The following ROCK1 variants were observed in gnomAD, a reference collection of about 807,000 sequenced individuals.
ROCK1 encodes Rho associated coiled-coil containing protein kinase 1, also known as rho-associated protein kinase 1.
ROCK1 carries 36 observed loss-of-function variants against 196.8 expected under a neutral mutation model. The observed-to-expected ratio is 0.18, with a 90% CI of 0.14 to 0.24. The LOEUF is 0.24. ROCK1 is among the 10% of genes least tolerant of loss of function. The pLI is 1.00. For missense variants in ROCK1, 920 were observed against 1,562.0 expected (o/e 0.59, Z 6.93); for synonymous variants, 443 against 515.9 (o/e 0.86, Z 1.91).
intron 10 of ROCK1, among the ~76,000 whole-genome samples, chr18:21,025,608 G>A (rs1393557897): frequency 2.0e-5 from 3 of 152,038 alleles, no homozygotes; most frequent in Admixed American, 1.3e-4. Flanking sequence ...ATGGTGGTAC[G>A]CACCTGTAAT....
chr18:21,029,802 T>G (rs1399180080), intron 9 of ROCK1, among the ~76,000 whole-genome samples: 7 of 152,088 alleles, frequency 4.6e-5, no homozygotes, highest in Admixed American at 3.9e-4. Flanking sequence ...AAAAATAAAT[T>G]CTAAGAAAAT....
At chr18:20,957,635 C>T (rs1225471409) in intron 29 of ROCK1, among the ~76,000 whole-genome samples, 1 of 152,000 alleles carries the variant, frequency 6.6e-6, no homozygotes, top group Non-Finnish European at 1.5e-5. Flanking sequence ...CACCTGCCAC[C>T]ACGCCCAGCT....
chr18:21,104,585 AC>A (rs1363673164), intron 1 of ROCK1, among the ~76,000 whole-genome samples: 1 of 152,166 alleles, frequency 6.6e-6, no homozygotes, highest in Non-Finnish European at 1.5e-5. Context: ...CGGAAAAAAA[AC>A]ATTTCTGACT....
At chr18:21,086,598 G>A (rs998814001) in intron 1 of ROCK1, among the ~76,000 whole-genome samples, 1 of 152,000 alleles carries the variant, frequency 6.6e-6, no homozygotes, top group Non-Finnish European at 1.5e-5. Context: ...AAAATAGAAT[G>A]GGGCTAAAAG....
At position 21,008,256 on chromosome 18, in the gene ROCK1, G is replaced by A. The variant is rs2035785431; in HGVS notation, c.1411-62C>T. On this transcript the variant is annotated intron_variant, in intron 13 of 32. Transcript: ENST00000399799. ...ATACTCTGGTCATTCATTCAAGTGA[G>A]TATTTTGTTCTTAAAAACAAAAAAC... 1.8e-5 allele frequency: 21 copies of A among 1,182,794 alleles called. 1 individual carries two copies. The South Asian group carries it at 3.5e-4, about 19-fold the overall frequency. 73.3% of individuals were successfully genotyped at this position (1,182,794 alleles called of 1,614,324 possible).
chr18:21,111,040 C>G lies in ROCK1; in HGVS notation c.-130G>C, dbSNP rs891151679. 2.9e-6 allele frequency: 2 copies of G among 693,488 alleles called. No homozygotes were observed. The highest frequency in any genetic ancestry group is 3.6e-5 in the African/African-American group (2 of 56,334). The allele number at this position is 693,488 out of a possible 1,614,324, so 43.0% of individuals were successfully genotyped here. On this transcript the variant is annotated 5_prime_UTR_variant, in exon 1 of 33. Coordinates refer to ENST00000399799, the MANE Select transcript of ROCK1 (RefSeq NM_005406.3). The surrounding 1 kb of genome is among the most constrained non-coding windows in gnomAD (Gnocchi z 4.2). ...GAACCTCAGGGTCACCAGGTGCGCC[C>G]GGTTCCCCCGTCTTCCCCTCACTGA...
chr18:21,023,550 C>G (rs965587767), intron 11 of ROCK1, 70 bp downstream of exon 11: 16 of 811,180 alleles, frequency 2.0e-5, no homozygotes, highest in Middle Eastern at 3.1e-4. Flanking sequence ...AATTTACTAT[C>G]ATACCCACAA....
At chr18:21,080,913 T>C (rs888705522) in intron 1 of ROCK1, among the ~76,000 whole-genome samples, 2 of 152,096 alleles carry the variant, frequency 1.3e-5, no homozygotes, top group African/African-American at 4.8e-5. Flanking sequence ...GTTCTACAAA[T>C]AGTTGGAGAT....
At chr18:21,061,734 G>A (rs1227782312) in intron 2 of ROCK1, among the ~76,000 whole-genome samples, 2 of 152,170 alleles carry the variant, frequency 1.3e-5, no homozygotes, top group African/African-American at 2.4e-5. Context: ...GCTGAACTAC[G>A]TAATGCTGGA....
At chr18:21,038,603 A>C (rs899461191) in intron 9 of ROCK1, among the ~76,000 whole-genome samples, 3 of 152,226 alleles carry the variant, frequency 2.0e-5, no homozygotes, top group Admixed American at 6.5e-5. Context: ...TCACTGTCTC[A>C]ACTAGATAGG....
At chr18:21,101,762 ACT>A (rs1423207630) in intron 1 of ROCK1, among the ~76,000 whole-genome samples, 2 of 152,164 alleles carry the variant, frequency 1.3e-5, no homozygotes, top group African/African-American at 2.4e-5. Flanking sequence ...TAAAATAGAC[ACT>A]GTTTTAGACA....
At chr18:21,043,159 A>G (rs1230472949) in intron 6 of ROCK1, among the ~76,000 whole-genome samples, 1 of 152,162 alleles carries the variant, frequency 6.6e-6, no homozygotes, top group African/African-American at 2.4e-5. Flanking sequence ...ATATTGGTAT[A>G]AACACTGACT....
intron 9 of ROCK1, among the ~76,000 whole-genome samples, chr18:21,035,061 A>C (rs2036044938): frequency 6.6e-6 from 1 of 152,224 alleles, no homozygotes; most frequent in Non-Finnish European, 1.5e-5. Context: ...AGAAATGCTA[A>C]TCAAAGCCAC....
At chr18:21,084,360 G>C (rs2036508070) in intron 1 of ROCK1, among the ~76,000 whole-genome samples, 1 of 151,912 alleles carries the variant, frequency 6.6e-6, no homozygotes, top group African/African-American at 2.4e-5. Context: ...GAAAATATTT[G>C]CAAATAATAT....
chr18:21,058,450 T>G (rs1429635785), intron 2 of ROCK1, among the ~76,000 whole-genome samples: 3 of 152,194 alleles, frequency 2.0e-5, no homozygotes, highest in African/African-American at 7.2e-5. Flanking sequence ...TACCTTGTAC[T>G]GTTTGACCAG....
intron 1 of ROCK1, among the ~76,000 whole-genome samples, chr18:21,084,460 A>G (rs1431817820): frequency 1.3e-5 from 2 of 152,134 alleles, no homozygotes; most frequent in African/African-American, 4.8e-5. Context: ...CTTGAATAAA[A>G]ACGTCTCCAA....
intron 29 of ROCK1, among the ~76,000 whole-genome samples, chr18:20,957,449 G>A (rs2035253944): frequency 1.3e-5 from 2 of 151,990 alleles, no homozygotes; most frequent in South Asian, 4.1e-4. Context: ...ATAGAAATCA[G>A]ATCATGGGAA....
At chr18:21,027,750 ATTTTTTTTTTTTT>A (rs751964514) in intron 10 of ROCK1, among the ~76,000 whole-genome samples, 8 of 95,288 alleles carry the variant, frequency 8.4e-5, no homozygotes, top group East Asian at 2.9e-4. Flanking sequence ...GAATCACTTA[ATTTTTTTTTTTTT>A]TTTTTTTTTT....
intron 6 of ROCK1, 84 bp downstream of exon 6, chr18:21,044,018 T>C (rs1598541205): frequency 2.4e-5 from 20 of 820,802 alleles, no homozygotes; most frequent in Middle Eastern, 3.4e-4. Context: ...TCTTACACCA[T>C]TTTCTAAAGA....
Sources: allele counts gnomAD v4.1 joint callset (sites outside exome capture counted in the v4.1 genomes callset), GRCh38; gene constraint gnomAD v4.1.1; non-coding constraint Gnocchi (gnomAD v3.1); transcripts MANE v1.5; gene names NCBI Gene and HGNC (gene_info 2026-07-23, HGNC 2026-07-21).